The following RARB variants were observed in gnomAD, a reference collection of about 807,000 sequenced individuals.
RARB encodes HBV-activated protein.
Under a neutral mutation model 51.9 loss-of-function variants are expected in RARB, and 17 were observed. The observed-to-expected ratio is 0.33, with a 90% confidence interval of 0.22 to 0.49. RARB has a LOEUF of 0.49. RARB is among the 20% of genes least tolerant of loss of function. RARB has a pLI of 0.99. For missense variants in RARB, 369 were observed against 550.8 expected, an observed-to-expected ratio of 0.67 and a Z score of 3.30; for synonymous variants, 215 against 195.4, an observed-to-expected ratio of 1.10 and a Z score of -0.84.
rs149395629 is a variant in RARB at position 25,086,808 on chromosome 3, TG to T, written c.-328+26635del. ...CCTGGAGTTGATAGAAGGGAGTATC[TG>T]GGTTAAGATAAGGGACCGTGGAGAA... On this transcript the variant is annotated intron_variant, in intron 3 of 11. Coordinates refer to the RARB transcript ENST00000383772. Among the ~76,000 whole-genome samples the T allele has an allele frequency of 5.1e-3, 783 of 152,214 alleles. 4 individuals are homozygous for T. The highest frequency in any genetic ancestry group is 0.018 in the African/African-American group (750 of 41,538).
At chr3:25,159,409 T>TGCAC (rs1553638579) in intron 4 of RARB, among the ~76,000 whole-genome samples, 1 of 68,128 alleles carries the variant, frequency 1.5e-5, no homozygotes, top group Non-Finnish European at 3.6e-5. Flanking sequence ...CCTCAGATGA[T>TGCAC]CCACCCCCCC....
chr3:25,418,834 T>TA (rs1394075045), intron 5 of RARB, among the ~76,000 whole-genome samples: 4 of 151,630 alleles, frequency 2.6e-5, no homozygotes, highest in Non-Finnish European at 4.4e-5. Flanking sequence ...GAAGGCAAGT[T>TA]AGGGTGATAA....
chr3:25,531,391 GATA>G (rs1278790540), intron 3 of RARB, among the ~76,000 whole-genome samples: 31 of 38,962 alleles, frequency 8.0e-4, no homozygotes, highest in African/African-American at 6.3e-3. Context: ...TAGATAGGTA[GATA>G]GATAGATAGA....
At chr3:25,349,546 C>G (rs1705496407) in intron 5 of RARB, among the ~76,000 whole-genome samples, 1 of 152,150 alleles carries the variant, frequency 6.6e-6, no homozygotes, top group South Asian at 2.1e-4. Flanking sequence ...GGCATCTCTA[C>G]TTTTAAGCCT....
At chr3:25,206,689 A>G (rs1701555768) in intron 5 of RARB, among the ~76,000 whole-genome samples, 1 of 152,196 alleles carries the variant, frequency 6.6e-6, no homozygotes, top group Non-Finnish European at 1.5e-5. Flanking sequence ...ACACACAAAA[A>G]TTATGTTGGG....
intron 5 of RARB, among the ~76,000 whole-genome samples, chr3:25,591,041 T>C (rs1035255143): frequency 3.8e-4 from 58 of 152,136 alleles, no homozygotes; most frequent in African/African-American, 1.4e-3. Flanking sequence ...GTTACCAAGA[T>C]GAAGTGAAAC....
At chr3:25,550,570 C>T (rs895261291) in intron 3 of RARB, among the ~76,000 whole-genome samples, 4 of 152,118 alleles carry the variant, frequency 2.6e-5, no homozygotes, top group African/African-American at 9.7e-5. Context: ...CCAAAGGCCT[C>T]GCCTTTGAAT....
chr3:25,153,312 C>T (rs936743070), intron 4 of RARB, among the ~76,000 whole-genome samples: 1 of 152,278 alleles, frequency 6.6e-6, no homozygotes, highest in East Asian at 1.9e-4. Context: ...TTTTAACAAG[C>T]AATTTCCAAA....
intron 3 of RARB, among the ~76,000 whole-genome samples, chr3:25,122,687 G>A (rs1475425516): frequency 3.3e-5 from 5 of 152,022 alleles, no homozygotes; most frequent in South Asian, 4.1e-4. Flanking sequence ...CTTAAGTCAC[G>A]GCAAGTAAGG....
At chr3:25,385,381 A>G (rs544375643) in intron 5 of RARB, among the ~76,000 whole-genome samples, 54 of 152,290 alleles carry the variant, frequency 3.5e-4, no homozygotes, top group African/African-American at 1.1e-3. Context: ...CAGCTCAGCT[A>G]AAGAGGAAGT....
chr3:25,054,734 A>G lies in RARB; in HGVS notation c.-379-5391A>G, dbSNP rs573583537. Among the ~76,000 whole-genome samples, 62 of 152,236 alleles carry G rather than the reference A, an allele frequency of 4.1e-4. No individual in the cohort carries two copies. In the South Asian group the frequency reaches 4.6e-3, roughly 11 times the overall value. On this transcript the variant is annotated intron_variant, in intron 2 of 11. Coordinates refer to the RARB transcript ENST00000383772. ...AAACTGTGGAGCACAAACTGTGTCT[A>G]CCTAGCTGTTTTGCCAAAGGCCAGA...
chr3:25,490,309 G>T (rs138035478), intron 2 of RARB, among the ~76,000 whole-genome samples: 1 of 152,184 alleles, frequency 6.6e-6, no homozygotes, highest in African/African-American at 2.4e-5. Flanking sequence ...TACTAATTTA[G>T]GTCCTTAACA....
At chr3:24,902,120 A>C (rs1217113976) in intron 2 of RARB, among the ~76,000 whole-genome samples, 5 of 152,032 alleles carry the variant, frequency 3.3e-5, no homozygotes, top group Non-Finnish European at 7.4e-5. Context: ...TGATGTTCTT[A>C]TTATCTCTGT....
At chr3:25,368,335 T>C (rs1198903345) in intron 5 of RARB, among the ~76,000 whole-genome samples, 6 of 152,180 alleles carry the variant, frequency 3.9e-5, no homozygotes, top group Non-Finnish European at 8.8e-5. Flanking sequence ...AAGAATTCTT[T>C]AAATAGTACA....
chr3:25,152,992 G>GA lies in RARB; in HGVS notation c.-280+20791dup, dbSNP rs1383345753. On this transcript the variant is annotated intron_variant, in intron 4 of 11. Coordinates refer to the RARB transcript ENST00000383772. ...TAGAACCATGACAAACAGTTTGAAG[G>GA]AAAAAAAGGAACAAACTTCTTCAGG... Among the ~76,000 whole-genome samples, 6 of 152,078 alleles carry GA rather than the reference G, an allele frequency of 3.9e-5. No individual in the cohort carries two copies. In the East Asian group the frequency reaches 7.7e-4, roughly 20 times the overall value.
At chr3:24,903,803 A>G (rs1694782287) in intron 2 of RARB, among the ~76,000 whole-genome samples, 2 of 152,210 alleles carry the variant, frequency 1.3e-5, no homozygotes, top group Non-Finnish European at 1.5e-5. Context: ...AGACTGAAAT[A>G]TGTTCTCTAT....
rs1702395035 is a variant in RARB at position 24,839,727 on chromosome 3, GGGGT to G, written c.-459+10328_-459+10331del. Among the ~76,000 whole-genome samples the G allele has an allele frequency of 4.2e-5, 5 of 117,852 alleles. No individual in the cohort carries two copies. In the South Asian group the frequency reaches 1.4e-3, roughly 33 times the overall value. The allele number at this position is 117,852 out of a possible 152,430, so 77.3% of individuals were successfully genotyped here. Reference sequence around the variant, plus strand: ...TCAAAAAAAAAAAAAAAAGGGGGGGGGGGTGGGGGAAGAAACAGTTTGGGTAATT... The same window carrying G: ...TCAAAAAAAAAAAAAAAAGGGGGGGGGGGGGAAGAAACAGTTTGGGTAATT... On this transcript the variant is annotated intron_variant, in intron 1 of 11. Transcript: ENST00000383772.
At chr3:25,514,972 A>G (rs1362433101) in intron 3 of RARB, among the ~76,000 whole-genome samples, 1 of 152,184 alleles carries the variant, frequency 6.6e-6, no homozygotes, top group Non-Finnish European at 1.5e-5. Context: ...ATCTGCAAAT[A>G]TGCAGTCTCA....
intron 2 of RARB, among the ~76,000 whole-genome samples, chr3:24,922,589 C>T (rs1695241470): frequency 6.6e-6 from 1 of 152,126 alleles, no homozygotes; most frequent in Admixed American, 6.5e-5. Flanking sequence ...GATATACAGA[C>T]AAGGAATGTG....
Sources: gnomAD v4.1 joint callset for allele counts (sites outside exome capture counted in the v4.1 genomes callset) on GRCh38, gnomAD v4.1.1 for gene constraint, MANE v1.5 for transcripts, NCBI Gene and HGNC (gene_info 2026-07-23, HGNC 2026-07-21) for gene names.